The following SORCS2 variants were observed in gnomAD, a reference collection of about 807,000 sequenced individuals.
SORCS2 encodes sortilin related VPS10 domain containing receptor 2, also known as VPS10 domain-containing receptor SorCS2.
In SORCS2, 100 loss-of-function variants were observed where a neutral mutation model predicts 141.6. That is an observed-to-expected ratio of 0.71 (90% CI 0.60 to 0.83). SORCS2 has a LOEUF of 0.83. SORCS2 is among the 40% of genes least tolerant of loss of function. The pLI, the probability that SORCS2 is intolerant of heterozygous loss-of-function variation, is 0.00. For synonymous variants in SORCS2, 789 were observed against 676.9 expected, an observed-to-expected ratio of 1.17 and a Z score of -2.57; for missense variants, 1,646 against 1,560.2, an observed-to-expected ratio of 1.05 and a Z score of -0.93.
At chr4:7,692,630 G>A (rs1301963535) in intron 11 of SORCS2, among the ~76,000 whole-genome samples, 3 of 152,234 alleles carry the variant, frequency 2.0e-5, no homozygotes, top group African/African-American at 7.2e-5. Context: ...GAACAGAGGA[G>A]CAAAGGGATG....
At chr4:7,331,777 T>C (rs1388038313) in intron 1 of SORCS2, among the ~76,000 whole-genome samples, 2 of 151,992 alleles carry the variant, frequency 1.3e-5, no homozygotes, top group Non-Finnish European at 2.9e-5. Context: ...AAGGCAGGGG[T>C]CAGTGGCTTC....
chr4:7,627,510 C>T (rs569707454), intron 3 of SORCS2, among the ~76,000 whole-genome samples: 1 of 152,312 alleles, frequency 6.6e-6, no homozygotes, highest in South Asian at 2.1e-4. Flanking sequence ...TTGAGAAAAT[C>T]TCTTTTAGGA....
rs1726967649 is a variant in SORCS2 at position 7,193,386 on chromosome 4, G to A, written c.480+260G>A. On this transcript the variant is annotated intron_variant, in intron 1 of 26. Coordinates refer to ENST00000507866, the MANE Select transcript of SORCS2 (RefSeq NM_020777.3). This position sits in a 1 kb window ranked among gnomAD's most constrained non-coding sequence, Gnocchi z 4.8. ...GATTTCGGGATCCTGGGCCACCTCC[G>A]ATACTCCCCCACTGGCCTCCAGGTC... Among the ~76,000 whole-genome samples, 1 of 152,182 alleles carries A rather than the reference G, an allele frequency of 6.6e-6. No homozygotes were observed. The highest frequency in any genetic ancestry group is 2.4e-5 in the African/African-American group (1 of 41,454).
At chr4:7,352,592 G>A (rs995552173) in intron 1 of SORCS2, among the ~76,000 whole-genome samples, 5 of 152,186 alleles carry the variant, frequency 3.3e-5, no homozygotes, top group African/African-American at 1.2e-4. Flanking sequence ...GTGGGCTCTC[G>A]AGCTGGGAGT....
intron 1 of SORCS2, among the ~76,000 whole-genome samples, chr4:7,387,602 C>T (rs201897696): frequency 0.014 from 1,368 of 98,858 alleles, 35 homozygotes; most frequent in African/African-American, 0.052. Flanking sequence ...CACAGAGAAA[C>T]GCACATGCAC....
intron 14 of SORCS2, among the ~76,000 whole-genome samples, chr4:7,710,347 C>T (rs925568016): frequency 3.9e-5 from 6 of 152,156 alleles, no homozygotes; most frequent in Admixed American, 6.5e-5. Flanking sequence ...GGGGGCTTGG[C>T]AAGGAGGAAA....
chr4:7,650,991 C>T (rs1461341318), intron 4 of SORCS2, among the ~76,000 whole-genome samples: 3 of 152,122 alleles, frequency 2.0e-5, no homozygotes, highest in African/African-American at 7.2e-5. Context: ...CCAATACAGC[C>T]CCTACCCCCA....
At chr4:7,645,133 G>A (rs1000034188) in intron 4 of SORCS2, among the ~76,000 whole-genome samples, 6 of 152,190 alleles carry the variant, frequency 3.9e-5, no homozygotes, top group East Asian at 1.9e-4. Context: ...CCACGGTGAC[G>A]ACTCGCTTTT....
At chr4:7,473,795 G>A (rs190249110) in intron 2 of SORCS2, among the ~76,000 whole-genome samples, 5 of 152,236 alleles carry the variant, frequency 3.3e-5, no homozygotes. Flanking sequence ...CCAGGGACCC[G>A]GAGGCTGGTG....
At chr4:7,315,883 C>A (rs1419729446) in intron 1 of SORCS2, among the ~76,000 whole-genome samples, 1 of 152,194 alleles carries the variant, frequency 6.6e-6, no homozygotes, top group Non-Finnish European at 1.5e-5. Flanking sequence ...AAGCCTGGTA[C>A]ACATCACCCA....
rs143428945 is a variant in SORCS2, at chr4:7,436,106, T to A, written c.548+39751T>A. Among the ~76,000 whole-genome samples, 480 of 152,282 alleles carry A rather than the reference T, an allele frequency of 3.2e-3. 1 individual carries two copies. The highest frequency in any genetic ancestry group is 0.022 in the South Asian group (107 of 4,810). On this transcript the variant is annotated intron_variant, in intron 2 of 26. Transcript: ENST00000507866. ...AAGACGGAAAATAGGATTTGCTGAGTTCTTGCAGTGACTTCCAAGGACTCT... is the reference window on the plus strand; with the variant it reads ...AAGACGGAAAATAGGATTTGCTGAGATCTTGCAGTGACTTCCAAGGACTCT...
At chr4:7,608,218 G>C (rs1718182259) in intron 3 of SORCS2, among the ~76,000 whole-genome samples, 1 of 152,138 alleles carries the variant, frequency 6.6e-6, no homozygotes, top group Non-Finnish European at 1.5e-5. Flanking sequence ...TGGCAGAGCT[G>C]CCACCTAGCA....
At chr4:7,533,064 C>T (rs759554692) in intron 3 of SORCS2, among the ~76,000 whole-genome samples, 5 of 152,258 alleles carry the variant, frequency 3.3e-5, no homozygotes, top group Middle Eastern at 3.4e-3. Flanking sequence ...TCTTTCCATC[C>T]CACAGCAGCC....
chr4:7,689,696 C>T (rs972991377), intron 11 of SORCS2, 108 bp downstream of exon 11: 31 of 989,268 alleles, frequency 3.1e-5, no homozygotes, highest in Non-Finnish European at 4.4e-5. Flanking sequence ...CATAGTATGT[C>T]CTTTAGGAGG....
intron 2 of SORCS2, chr4:7,434,095 C>A: frequency 6.2e-7 from 1 of 1,611,424 alleles, no homozygotes; most frequent in South Asian, 1.1e-5. Flanking sequence ...TTGAGTCAAA[C>A]GGGCAGGTGC....
chr4:7,346,420 C>A (rs1720657671), intron 1 of SORCS2, among the ~76,000 whole-genome samples: 1 of 152,136 alleles, frequency 6.6e-6, no homozygotes, highest in Non-Finnish European at 1.5e-5. Flanking sequence ...TGATTCCAAC[C>A]CTTTAATATT....
chr4:7,519,419 C>T (rs10002854), intron 2 of SORCS2, among the ~76,000 whole-genome samples: 12,740 of 152,240 alleles, frequency 0.084, 1,224 homozygotes, highest in African/African-American at 0.24. Context: ...CAAATAGAGT[C>T]TCGTTTCATC....
At chr4:7,194,025 C>T (rs562939204) in intron 1 of SORCS2, among the ~76,000 whole-genome samples, 3 of 152,164 alleles carry the variant, frequency 2.0e-5, no homozygotes. Context: ...CCCCCCACCC[C>T]CACAAAAGGG....
At chr4:7,479,685 C>T (rs989334505) in intron 2 of SORCS2, among the ~76,000 whole-genome samples, 2 of 118,524 alleles carry the variant, frequency 1.7e-5, no homozygotes, top group African/African-American at 8.3e-5. Flanking sequence ...TGTCCCTCTT[C>T]TCCTCCTCTC....
Sources: allele counts gnomAD v4.1 joint callset (sites outside exome capture counted in the v4.1 genomes callset), GRCh38; gene constraint gnomAD v4.1.1; non-coding constraint Gnocchi (gnomAD v3.1); transcripts MANE v1.5; gene names NCBI Gene and HGNC (gene_info 2026-07-23, HGNC 2026-07-21).